Variants in SHANK2 observed in about 807,000 individuals in gnomAD.
The protein encoded by SHANK2 is SH3 and multiple ankyrin repeat domains 2, also known as SH3 and multiple ankyrin repeat domains protein 2.
SHANK2 carries 43 observed loss-of-function variants against 133.7 expected under a neutral mutation model. That is an observed-to-expected ratio of 0.32 (90% CI 0.25 to 0.41). The LOEUF (loss-of-function observed/expected upper bound fraction) is 0.41, where lower values mean the gene tolerates loss of function less well. Among genes scored for constraint, SHANK2 ranks in the 10% least tolerant of loss-of-function variants. The pLI, the probability that SHANK2 is intolerant of heterozygous loss-of-function variation, is 1.00. For synonymous variants in SHANK2, 1,017 were observed against 952.8 expected (o/e 1.07, Z -1.24); for missense variants, 1,994 against 2,235.8 (o/e 0.89, Z 2.18).
rs574345123 is a variant in SHANK2 at position 71,112,475 on chromosome 11, T to C, written c.483+818A>G. Among the ~76,000 whole-genome samples, 5 of 152,276 alleles carry C rather than the reference T, an allele frequency of 3.3e-5. No homozygotes were observed. The South Asian group carries it at 6.2e-4, about 19-fold the overall frequency. ...CAAAAACCGAGAGGATCCTGCTGGC[T>C]GAGAAAGCCATTGGTGAGCTCGCAG... On this transcript the variant is annotated intron_variant, in intron 5 of 25. Transcript: ENST00000601538.
At chr11:70,839,453 G>C (rs986824126) in intron 11 of SHANK2, among the ~76,000 whole-genome samples, 1 of 152,224 alleles carries the variant, frequency 6.6e-6, no homozygotes. Context: ...GGGCGGGTAC[G>C]TCAAAGGAGA....
chr11:70,585,531 A>G (rs2060237410), intron 17 of SHANK2, among the ~76,000 whole-genome samples: 1 of 152,190 alleles, frequency 6.6e-6, no homozygotes, highest in African/African-American at 2.4e-5. Flanking sequence ...CCTAATAAGG[A>G]CAGGCTTGCT....
At chr11:70,837,136 T>G (rs1948830713) in intron 11 of SHANK2, among the ~76,000 whole-genome samples, 1 of 152,230 alleles carries the variant, frequency 6.6e-6, no homozygotes, top group Non-Finnish European at 1.5e-5. Flanking sequence ...TTTCTGTCGC[T>G]TAAGCCACCA....
intron 11 of SHANK2, among the ~76,000 whole-genome samples, chr11:70,880,518 T>G (rs1285649798): frequency 2.0e-5 from 3 of 152,188 alleles, no homozygotes; most frequent in Non-Finnish European, 4.4e-5. Flanking sequence ...CATTCAGAAT[T>G]AGGAGCTTCT....
chr11:70,691,116 T>G (rs1471049532), intron 15 of SHANK2, among the ~76,000 whole-genome samples: 2 of 152,102 alleles, frequency 1.3e-5, no homozygotes, highest in Admixed American at 1.3e-4. Context: ...TGAAAATTTA[T>G]GGAGGGAGGA....
At chr11:70,835,189 G>A (rs1366447456) in intron 11 of SHANK2, among the ~76,000 whole-genome samples, 6 of 152,174 alleles carry the variant, frequency 3.9e-5, no homozygotes, top group Non-Finnish European at 7.4e-5. Flanking sequence ...TACTGTGTGC[G>A]GGACACACCT....
intron 3 of SHANK2, among the ~76,000 whole-genome samples, chr11:71,122,149 T>C (rs1341468092): frequency 6.6e-6 from 1 of 152,218 alleles, no homozygotes; most frequent in Non-Finnish European, 1.5e-5. Flanking sequence ...TTACTGGGTA[T>C]ATACCCAAAG....
At chr11:71,137,720 C>A (rs1165059344) in intron 3 of SHANK2, among the ~76,000 whole-genome samples, 1 of 152,178 alleles carries the variant, frequency 6.6e-6, no homozygotes, top group Admixed American at 6.5e-5. Context: ...CTGGAAAAAT[C>A]CACCCGAGGG....
intron 17 of SHANK2, among the ~76,000 whole-genome samples, chr11:70,643,187 T>C (rs1257737902): frequency 3.3e-5 from 5 of 152,216 alleles, no homozygotes; most frequent in African/African-American, 1.2e-4. Context: ...GGTGTGGAGC[T>C]TTCCAGAACT....
chr11:70,611,386 C>G (rs1306854267), intron 17 of SHANK2, among the ~76,000 whole-genome samples: 2 of 152,176 alleles, frequency 1.3e-5, no homozygotes, highest in African/African-American at 4.8e-5. Flanking sequence ...ACAGTTTTCT[C>G]AACTCATCGT....
chr11:71,246,562 G>C (rs1402012198), intron 1 of SHANK2, among the ~76,000 whole-genome samples: 7 of 152,110 alleles, frequency 4.6e-5, no homozygotes, highest in African/African-American at 1.7e-4. Context: ...TCCCTTGCAG[G>C]GGGCTTCAAA....
chr11:70,547,529 G>C (rs1245759000), intron 17 of SHANK2, among the ~76,000 whole-genome samples: 1 of 152,030 alleles, frequency 6.6e-6, no homozygotes, highest in Non-Finnish European at 1.5e-5. Flanking sequence ...CCAAAATGTA[G>C]GGATTACACG....
intron 17 of SHANK2, among the ~76,000 whole-genome samples, chr11:70,599,663 G>T (rs2060452606): frequency 6.8e-6 from 1 of 148,000 alleles, no homozygotes; most frequent in African/African-American, 2.5e-5. Flanking sequence ...GTGGTGGCGG[G>T]CACCTGTATT....
rs1426449305 is a variant in SHANK2, at chr11:71,142,587, G to T, written c.207+4533C>A. 3.3e-5 allele frequency among the ~76,000 whole-genome samples: 5 copies of T among 151,998 alleles called. No individual in the cohort carries two copies. The East Asian group carries it at 9.6e-4, about 29-fold the overall frequency. ...AAAGCAATTAGAGAAAAAGATAACA[G>T]ATATGAACAAGGAAAATCCAGTATA... On this transcript the variant is annotated intron_variant, in intron 3 of 25. Transcript: ENST00000601538.
chr11:70,550,068 C>T (rs533982877), intron 17 of SHANK2, among the ~76,000 whole-genome samples: 40 of 152,264 alleles, frequency 2.6e-4, no homozygotes, highest in African/African-American at 8.9e-4. Flanking sequence ...AGCCAGGAAG[C>T]CAAGAGCAGC....
At chr11:70,530,195 C>G (rs971697914) in intron 17 of SHANK2, among the ~76,000 whole-genome samples, 2 of 152,184 alleles carry the variant, frequency 1.3e-5, no homozygotes, top group Non-Finnish European at 2.9e-5. Flanking sequence ...AAAATGTGGT[C>G]TATCCATGCA....
At chr11:70,767,910 T>C (rs1425169759) in intron 14 of SHANK2, among the ~76,000 whole-genome samples, 1 of 152,194 alleles carries the variant, frequency 6.6e-6, no homozygotes, top group African/African-American at 2.4e-5. Flanking sequence ...CAGTGCTCCC[T>C]TTCCCTCTGC....
In SHANK2 at chr11:71,175,113, G is replaced by A. The variant is rs1483337115; in HGVS notation, c.-12-27775C>T. The stretch of plus-strand genomic sequence containing the variant: ...GCATATGTGCATTTACCAGAGCAAG[G>A]GATTTTGTTAAATCTGTGCCTTATC... On this transcript the variant is annotated intron_variant, in intron 2 of 25. Transcript: ENST00000601538. The surrounding 1 kb of genome is among the most constrained non-coding windows in gnomAD (Gnocchi z 4.2). Among the ~76,000 whole-genome samples, 3 of 152,138 alleles carry A rather than the reference G, an allele frequency of 2.0e-5. No individual in the cohort carries two copies. Among genetic ancestry groups the A allele is most frequent in the Non-Finnish European group, 2.9e-5 (2 of 68,038 alleles).
chr11:70,807,837 A>G lies in SHANK2; in HGVS notation c.1494-666T>C, dbSNP rs983135373. Among the ~76,000 whole-genome samples the G allele has an allele frequency of 6.6e-6, 1 of 151,968 alleles. No homozygotes were observed. The highest frequency in any genetic ancestry group is 1.5e-5 in the Non-Finnish European group (1 of 67,954). On this transcript the variant is annotated intron_variant, in intron 12 of 25. Transcript: ENST00000601538. The surrounding 1 kb of genome is among the most constrained non-coding windows in gnomAD (Gnocchi z 4.8). ...AGAGTGAGACTCTGTCTCCAAAAAA[A>G]AAAAGTAAACTGTGACACAGGCTAC... is the stretch of plus-strand genomic sequence containing the variant.
Sources: allele counts gnomAD v4.1 joint callset (sites outside exome capture counted in the v4.1 genomes callset), GRCh38; gene constraint gnomAD v4.1.1; non-coding constraint Gnocchi (gnomAD v3.1); transcripts MANE v1.5; gene names NCBI Gene and HGNC (gene_info 2026-07-23, HGNC 2026-07-21).